Variants in FMNL2 observed in about 807,000 individuals in gnomAD.
FMNL2 encodes formin-like protein 2.
FMNL2 carries 51 observed loss-of-function variants against 130.2 expected under a neutral mutation model. The ratio of observed to expected loss-of-function variants is 0.39; its 90% CI spans 0.31 to 0.49. The LOEUF (loss-of-function observed/expected upper bound fraction) is 0.49. Ranked by LOEUF, FMNL2 falls within the 20% of genes least tolerant of loss-of-function variation. FMNL2 has a pLI of 0.85. For synonymous variants in FMNL2, 465 were observed against 467.1 expected, an observed-to-expected ratio of 1.00 and a Z score of 0.06; for missense variants, 977 against 1,316.2, an observed-to-expected ratio of 0.74 and a Z score of 3.99.
chr2:152,606,629 CTTTTTTTT>C (rs70974875), intron 9 of FMNL2, among the ~76,000 whole-genome samples: 1 of 105,480 alleles, frequency 9.5e-6, no homozygotes, highest in Non-Finnish European at 1.9e-5. Context: ...TTTTTTGACT[CTTTTTTTT>C]TTTTTTTTTT....
chr2:152,382,784 A>G (rs943911690), intron 1 of FMNL2, among the ~76,000 whole-genome samples: 55 of 152,318 alleles, frequency 3.6e-4, no homozygotes, highest in African/African-American at 1.3e-3. Context: ...CTTGTCAGTC[A>G]TACCTCAATA....
At chr2:152,612,004 G>A (rs1698709225) in intron 11 of FMNL2, among the ~76,000 whole-genome samples, 2 of 152,114 alleles carry the variant, frequency 1.3e-5, no homozygotes. Flanking sequence ...GTAGAGTGAT[G>A]AGTCAGTGCT....
At chr2:152,362,721 C>T (rs910876531) in intron 1 of FMNL2, among the ~76,000 whole-genome samples, 3 of 152,036 alleles carry the variant, frequency 2.0e-5, no homozygotes, top group Admixed American at 2.0e-4. Context: ...CTTAAGGAGA[C>T]CCTTTTATGG....
At chr2:152,517,731 A>G (rs1487866471) in intron 1 of FMNL2, among the ~76,000 whole-genome samples, 1 of 152,228 alleles carries the variant, frequency 6.6e-6, no homozygotes, top group African/African-American at 2.4e-5. Context: ...ACATCCACTG[A>G]ACTTTTCAAT....
chr2:152,365,972 C>T (rs951768028), intron 1 of FMNL2, among the ~76,000 whole-genome samples: 5 of 152,090 alleles, frequency 3.3e-5, no homozygotes, highest in African/African-American at 7.2e-5. Context: ...AGTGCATATA[C>T]GTATACCCAT....
intron 1 of FMNL2, among the ~76,000 whole-genome samples, chr2:152,364,287 T>TTTG (rs1683380689): frequency 5.3e-5 from 7 of 132,030 alleles, no homozygotes; most frequent in Non-Finnish European, 5.0e-5. Flanking sequence ...TTTTTTTTTT[T>TTTG]TTTTTACCAG....
In FMNL2 at chr2:152,560,921, C is replaced by T. The variant is rs552822882; in HGVS notation, c.482C>T (p.Ser161Leu). 23 of 1,612,092 alleles carry T rather than the reference C, an allele frequency of 1.4e-5. 1 individual carries two copies. The highest frequency in any genetic ancestry group is 7.7e-5 in the South Asian group (7 of 90,704). Reference sequence around the variant, plus strand: ...AGTGTGGAGAGTACTGTGGAGAGCTCGGTGGACAAATCAAAGCCCTGGAGT... The same window carrying T: ...AGTGTGGAGAGTACTGTGGAGAGCTTGGTGGACAAATCAAAGCCCTGGAGT... ...FESVESTVES[S>L]VDKSKPWSRS... is the part of the protein sequence containing the mutation. Residue 161 changes from serine (S) to leucine (L), a missense_variant, in exon 6 of 26, where the codon TCG becomes TTG. By Grantham distance (145) the Ser-to-Leu change is moderately radical. Coordinates refer to ENST00000288670, the MANE Select transcript of FMNL2 (RefSeq NM_052905.4).
In FMNL2 at chr2:152,647,781, C is replaced by G; in HGVS notation, c.3170-15C>G. On this transcript the variant is annotated splice_polypyrimidine_tract_variant and intron_variant, in intron 25 of 25. Coordinates refer to ENST00000288670, the MANE Select transcript of FMNL2 (RefSeq NM_052905.4). ...AAAGGTTGCTATTCTCTCACTGGCA[C>G]TCTCCCCTTTACAGATCTTAGAAAC... is the stretch of plus-strand genomic sequence containing the variant. The G allele has an allele frequency of 6.2e-7, 1 of 1,612,726 alleles. No individual in the cohort carries two copies. Among genetic ancestry groups the G allele is most frequent in the Non-Finnish European group, 8.5e-7 (1 of 1,178,756 alleles).
At chr2:152,402,102 C>T (rs1406594939) in intron 1 of FMNL2, among the ~76,000 whole-genome samples, 1 of 151,916 alleles carries the variant, frequency 6.6e-6, no homozygotes, top group African/African-American at 2.4e-5. Context: ...CAGGGTTTCA[C>T]CATGTTAGCC....
At chr2:152,405,166 CG>C (rs1685916101) in intron 1 of FMNL2, among the ~76,000 whole-genome samples, 1 of 152,088 alleles carries the variant, frequency 6.6e-6, no homozygotes, top group African/African-American at 2.4e-5. Context: ...CTTGTATGGA[CG>C]CTGGGGTTCT....
chr2:152,644,021 G>T, intron 25 of FMNL2: 1 of 481,708 alleles, frequency 2.1e-6, no homozygotes, highest in Non-Finnish European at 2.7e-6. Flanking sequence ...CTTGAGCCCA[G>T]GAGTTTGAGA....
At chr2:152,476,691 TA>T (rs70974865) in intron 1 of FMNL2, among the ~76,000 whole-genome samples, 6,537 of 142,746 alleles carry the variant, frequency 0.046, 446 homozygotes, top group African/African-American at 0.15. Flanking sequence ...GACCCTGTCT[TA>T]AAAAAAAAAA....
At chr2:152,575,485 G>A (rs970803275) in intron 7 of FMNL2, among the ~76,000 whole-genome samples, 1 of 151,284 alleles carries the variant, frequency 6.6e-6, no homozygotes, top group African/African-American at 2.4e-5. Context: ...TGTTCTCTTT[G>A]GTTTCTTTGT....
chr2:152,521,056 A>G (rs1421682413), intron 1 of FMNL2, among the ~76,000 whole-genome samples: 2 of 152,220 alleles, frequency 1.3e-5, no homozygotes, highest in Admixed American at 6.5e-5. Flanking sequence ...TACTTAGCTC[A>G]GTTGTTTAGC....
chr2:152,555,839 A>G (rs992701641), intron 4 of FMNL2, among the ~76,000 whole-genome samples: 13 of 152,240 alleles, frequency 8.5e-5, no homozygotes, highest in African/African-American at 3.1e-4. Context: ...TATTGGCAAC[A>G]TATTAAAAAG....
intron 18 of FMNL2, among the ~76,000 whole-genome samples, chr2:152,628,911 A>T (rs1681982070): frequency 6.6e-6 from 1 of 152,234 alleles, no homozygotes; most frequent in Non-Finnish European, 1.5e-5. Flanking sequence ...ATTTCTAAAA[A>T]TGTTGCCTCA....
chr2:152,616,327 G>GTTTTT (rs36107333), intron 12 of FMNL2, among the ~76,000 whole-genome samples: 18 of 110,016 alleles, frequency 1.6e-4, no homozygotes, highest in Admixed American at 3.3e-4. Context: ...ATTTTTGTGG[G>GTTTTT]TTTTTTTTTT....
At chr2:152,553,766 A>G (rs1356871488) in intron 4 of FMNL2, among the ~76,000 whole-genome samples, 1 of 151,780 alleles carries the variant, frequency 6.6e-6, no homozygotes, top group Non-Finnish European at 1.5e-5. Context: ...TACATTATAA[A>G]TTAAATGACA....
At chr2:152,378,836 G>T (rs1287963632) in intron 1 of FMNL2, among the ~76,000 whole-genome samples, 1 of 151,982 alleles carries the variant, frequency 6.6e-6, no homozygotes, top group African/African-American at 2.4e-5. Flanking sequence ...ATAGATGGAG[G>T]TGTGGGCTAT....
Sources: gnomAD v4.1 joint callset for allele counts (sites outside exome capture counted in the v4.1 genomes callset) on GRCh38, gnomAD v4.1.1 for gene constraint, MANE v1.5 for transcripts, NCBI Gene and HGNC (gene_info 2026-07-23, HGNC 2026-07-21) for gene names.